The following EYS variants were observed in gnomAD, a reference collection of about 807,000 sequenced individuals.
The protein encoded by EYS is protein eyes shut homolog.
In EYS, 250 loss-of-function variants were observed where a neutral mutation model predicts 282.1. The observed-to-expected ratio is 0.89, with a 90% CI of 0.80 to 0.98. The LOEUF is 0.98. EYS is among the 50% of genes least tolerant of loss of function. The probability of loss-of-function intolerance (pLI) is 0.00; values close to 1 mark genes in which losing one functional copy is unlikely to be tolerated. For synonymous variants in EYS, 1,355 were observed against 1,282.9 expected, an observed-to-expected ratio of 1.06 and a Z score of -1.20; for missense variants, 4,016 against 3,709.0, an observed-to-expected ratio of 1.08 and a Z score of -2.15.
intron 28 of EYS, among the ~76,000 whole-genome samples, chr6:64,407,707 T>A (rs1379223648): frequency 6.6e-6 from 1 of 152,200 alleles, no homozygotes; most frequent in East Asian, 1.9e-4. Context: ...TATATGTACA[T>A]ATATGTGTAT....
intron 5 of EYS, among the ~76,000 whole-genome samples, chr6:65,424,089 G>C (rs1404983990): frequency 6.6e-6 from 1 of 151,818 alleles, no homozygotes; most frequent in African/African-American, 2.4e-5. Context: ...CGTGAAATTT[G>C]TGTCCTGGCA....
intron 22 of EYS, among the ~76,000 whole-genome samples, chr6:64,780,511 T>C (rs1464517159): frequency 1.3e-5 from 2 of 152,048 alleles, no homozygotes; most frequent in Non-Finnish European, 2.9e-5. Flanking sequence ...CACTGGGGAC[T>C]CCAGAAGGGG....
chr6:65,317,729 C>T (rs962036085), intron 11 of EYS, among the ~76,000 whole-genome samples: 7 of 151,922 alleles, frequency 4.6e-5, no homozygotes, highest in South Asian at 4.2e-4. Flanking sequence ...ACTTGGATAC[C>T]GACAGAGCTC....
At chr6:65,163,379 C>A (rs759930283) in intron 12 of EYS, among the ~76,000 whole-genome samples, 15 of 151,146 alleles carry the variant, frequency 9.9e-5, no homozygotes, top group Non-Finnish European at 1.8e-4. Context: ...ATTAAAGACT[C>A]TAGAATGAAA....
At chr6:65,372,086 A>C (rs1198415809) in intron 8 of EYS, among the ~76,000 whole-genome samples, 5 of 151,914 alleles carry the variant, frequency 3.3e-5, no homozygotes, top group Admixed American at 1.3e-4. Context: ...ATTAGTTTTA[A>C]ATTTTGTGTT....
At position 65,415,214 on chromosome 6, in the gene EYS, A is replaced by G. The variant is rs148549942; in HGVS notation, c.863-9847T>C. On this transcript the variant is annotated intron_variant, in intron 5 of 42. Coordinates refer to ENST00000503581, the MANE Select transcript of EYS (RefSeq NM_001142800.2). The stretch of plus-strand genomic sequence containing the variant: ...AGGAAATGAGAAGAATAAAAATGGA[A>G]AGAGGTAGTATATAATTCCTGGCAA... 3.8e-3 allele frequency among the ~76,000 whole-genome samples: 574 copies of G among 152,146 alleles called. 4 individuals are homozygous for G. Among genetic ancestry groups the G allele is most frequent in the African/African-American group, 0.013 (545 of 41,544 alleles).
chr6:64,586,676 A>C (rs1766243398), intron 26 of EYS, among the ~76,000 whole-genome samples: 1 of 152,098 alleles, frequency 6.6e-6, no homozygotes, highest in Non-Finnish European at 1.5e-5. Context: ...TACGTTATTA[A>C]ATATCTTACC....
At chr6:65,427,816 C>G (rs566490455) in intron 5 of EYS, among the ~76,000 whole-genome samples, 1 of 151,824 alleles carries the variant, frequency 6.6e-6, no homozygotes, top group African/African-American at 2.4e-5. Context: ...TTATTATATT[C>G]AGGATATAAT....
chr6:65,076,991 T>C (rs755803714), intron 12 of EYS, among the ~76,000 whole-genome samples: 13 of 151,902 alleles, frequency 8.6e-5, no homozygotes, highest in African/African-American at 1.2e-4. Flanking sequence ...TTAGAAGGAA[T>C]AACAGTAGTA....
At chr6:64,369,356 G>A (rs564160895) in intron 29 of EYS, among the ~76,000 whole-genome samples, 54 of 152,138 alleles carry the variant, frequency 3.5e-4, no homozygotes, top group Non-Finnish European at 6.5e-4. Flanking sequence ...GATCACTTCA[G>A]CTTTGGTCTT....
chr6:64,591,551 T>A lies in EYS; in HGVS notation c.4316A>T (p.Asn1439Ile). The A allele has an allele frequency of 6.4e-7, 1 of 1,551,254 alleles. No homozygotes were observed. The highest frequency in any genetic ancestry group is 8.7e-7 in the Non-Finnish European group (1 of 1,146,714). ...RSIPGADIEL[N>I]RQSLLSRGFL... ...TCCACGGGAGAGTAATGACTGCCTGTTTAGCTCAATATCAGCCCCTGGAAT... is the reference window on the plus strand; with the variant it reads ...TCCACGGGAGAGTAATGACTGCCTGATTAGCTCAATATCAGCCCCTGGAAT... The change falls in exon 26 of 43, where the codon AAC (asparagine) becomes ATC (isoleucine). Residue 1439 changes from asparagine (N) to isoleucine (I), a missense_variant. Physicochemically the swap from Asn to Ile is moderately radical, Grantham distance 149. Transcript: ENST00000503581.
intron 12 of EYS, among the ~76,000 whole-genome samples, chr6:65,118,094 A>G (rs1175260538): frequency 6.6e-6 from 1 of 152,170 alleles, no homozygotes; most frequent in Non-Finnish European, 1.5e-5. Context: ...GTCTCTCTAG[A>G]AGAAGAAAGT....
intron 6 of EYS, 112 bp downstream of exon 6, chr6:65,405,056 CTGAGTT>C (rs957824413): frequency 6.4e-5 from 46 of 716,476 alleles, no homozygotes; most frequent in Non-Finnish European, 8.4e-5. Context: ...TCTTGTTCGT[CTGAGTT>C]TAACAATTAA....
At chr6:64,356,093 A>G (rs1467997229) in intron 29 of EYS, among the ~76,000 whole-genome samples, 2 of 151,534 alleles carry the variant, frequency 1.3e-5, no homozygotes, top group Non-Finnish European at 3.0e-5. Flanking sequence ...TATATTATCT[A>G]AATATAAATT....
intron 22 of EYS, among the ~76,000 whole-genome samples, chr6:64,685,743 A>T (rs190020474): frequency 1.5e-3 from 234 of 152,228 alleles, no homozygotes; most frequent in Middle Eastern, 6.8e-3. Context: ...TAGCAACACA[A>T]ATTTACTTGT....
intron 26 of EYS, among the ~76,000 whole-genome samples, chr6:64,483,979 CA>C (rs1449596865): frequency 6.6e-6 from 1 of 151,582 alleles, no homozygotes; most frequent in Admixed American, 6.6e-5. Flanking sequence ...TGTAGGTGGG[CA>C]TTAAGTTTTA....
Position 64,590,607 on chromosome 6 carries a change from G to T in EYS, c.5260C>A (p.Pro1754Thr). The T allele has an allele frequency of 6.4e-7, 1 of 1,551,266 alleles. No individual in the cohort carries two copies. The highest frequency in any genetic ancestry group is 8.7e-7 in the Non-Finnish European group (1 of 1,146,734). The change falls in exon 26 of 43, where the codon CCG becomes ACG. Residue 1754 changes from proline (P) to threonine (T), a missense_variant. Physicochemically the swap from Pro to Thr is conservative, Grantham distance 38 (BLOSUM62 -1). Transcript: ENST00000503581. ...GAATATGTCTTTAAAGTAACATCCGGATAAATTTGTAAGTTTAACTCAAAA... is the reference window on the plus strand; with the variant it reads ...GAATATGTCTTTAAAGTAACATCCGTATAAATTTGTAAGTTTAACTCAAAA... ...LDFELNLQIY[P>T]DVTLKTYSEI...
intron 41 of EYS, among the ~76,000 whole-genome samples, chr6:63,737,249 T>C (rs1347825146): frequency 6.6e-6 from 1 of 152,204 alleles, no homozygotes; most frequent in Admixed American, 6.5e-5. Context: ...CTTATGATTT[T>C]GAGATACATC....
chr6:65,261,109 G>A (rs1480021006), intron 12 of EYS, among the ~76,000 whole-genome samples: 3 of 151,920 alleles, frequency 2.0e-5, no homozygotes, highest in South Asian at 2.1e-4. Context: ...AATGCATTAC[G>A]AACATTTTAA....
Sources: allele counts gnomAD v4.1 joint callset (sites outside exome capture counted in the v4.1 genomes callset), GRCh38; gene constraint gnomAD v4.1.1; transcripts MANE v1.5; gene names NCBI Gene and HGNC (gene_info 2026-07-23, HGNC 2026-07-21).